INPP5A: variants seen among roughly 807,000 people sequenced by gnomAD.
INPP5A encodes the protein 43 kDa inositol polyphosphate 5-phophatase.
In INPP5A, 14 loss-of-function variants were observed where a neutral mutation model predicts 65.2. That is an observed-to-expected ratio of 0.21 (90% confidence interval 0.14 to 0.34). The LOEUF is 0.34. Ranked by LOEUF, INPP5A falls within the 10% of genes least tolerant of loss-of-function variation. The pLI is 1.00. For missense variants in INPP5A, 431 were observed against 545.6 expected (o/e 0.79, Z 2.09); for synonymous variants, 207 against 208.3 (o/e 0.99, Z 0.05).
Position 132,616,657 on chromosome 10 carries a change from C to T in INPP5A, c.117+8701C>T, listed in dbSNP as rs2072038063. On this transcript the variant is annotated intron_variant, in intron 2 of 15. Transcript: ENST00000368594. The surrounding 1 kb of genome is among the most constrained non-coding windows in gnomAD (Gnocchi z 4.9). ...ATGGTAGTGACATGGGACATGGTGA[C>T]AGGGTAGGGTGTGGTGGTGATGGAG... Among the ~76,000 whole-genome samples, 1 of 150,130 alleles carries T rather than the reference C, an allele frequency of 6.7e-6. No individual in the cohort carries two copies. Among genetic ancestry groups the T allele is most frequent in the Admixed American group, 6.6e-5 (1 of 15,114 alleles).
rs537298621 is a variant in INPP5A at position 132,627,471 on chromosome 10, C to T, written c.118-18397C>T. On this transcript the variant is annotated intron_variant, in intron 2 of 15. Coordinates refer to ENST00000368594, the MANE Select transcript of INPP5A (RefSeq NM_005539.5). The surrounding 1 kb of genome is among the most constrained non-coding windows in gnomAD (Gnocchi z 6.6). ...GGCTCCCAAGATGCGTGCAGCTGTC[C>T]GCGGTGGCTGCCTCGTCCAGCAGCG... Among the ~76,000 whole-genome samples, 7 of 152,246 alleles carry T rather than the reference C, an allele frequency of 4.6e-5. 1 individual carries two copies. In the South Asian group the frequency reaches 8.3e-4, roughly 18 times the overall value.
intron 2 of INPP5A, among the ~76,000 whole-genome samples, chr10:132,620,582 T>G (rs896563980): frequency 6.6e-6 from 1 of 152,218 alleles, no homozygotes; most frequent in Non-Finnish European, 1.5e-5. Flanking sequence ...TGCTAAAGCA[T>G]ATCATGGGTT....
intron 1 of INPP5A, among the ~76,000 whole-genome samples, chr10:132,578,912 C>T (rs1331485645): frequency 6.6e-6 from 1 of 152,166 alleles, no homozygotes; most frequent in Non-Finnish European, 1.5e-5. Flanking sequence ...GCTCAGTCCG[C>T]CTGCCTTCTG....
chr10:132,677,413 C>T (rs1031251268), intron 4 of INPP5A, among the ~76,000 whole-genome samples: 1 of 152,220 alleles, frequency 6.6e-6, no homozygotes, highest in Non-Finnish European at 1.5e-5. Context: ...GAGAAAGTGC[C>T]GGGTGCATAT....
Position 132,749,379 on chromosome 10 carries a change from C to T in INPP5A, c.733-138C>T, listed in dbSNP as rs1012398525. On this transcript the variant is annotated intron_variant, in intron 9 of 15. Transcript: ENST00000368594. ...CTGTTGCGGGAGTGGCCCCTGACCC[C>T]AGGTGCGGAAATCTGGGTGTGACAC... 38 of 712,240 alleles carry T rather than the reference C, an allele frequency of 5.3e-5. No individual in the cohort carries two copies. In the East Asian group the frequency reaches 1.0e-3, roughly 19 times the overall value. 44.1% of individuals were successfully genotyped at this position (712,240 alleles called of 1,614,324 possible). A position where few individuals can be genotyped will look rare whatever the true frequency, so the allele number is the denominator to read the frequency against.
intron 5 of INPP5A, among the ~76,000 whole-genome samples, chr10:132,691,895 A>C (rs2767422): frequency 7.8e-6 from 1 of 128,964 alleles, no homozygotes; most frequent in African/African-American, 3.0e-5. Flanking sequence ...CGCGGGAGAC[A>C]TGCGGTCGCG....
intron 12 of INPP5A, among the ~76,000 whole-genome samples, chr10:132,774,514 C>T (rs970630463): frequency 2.6e-5 from 4 of 152,242 alleles, no homozygotes; most frequent in African/African-American, 4.8e-5. Context: ...TGGTTCAGGG[C>T]GGCTGAGCAC....
In INPP5A at chr10:132,781,846, C is replaced by T. The variant is rs1847168272; in HGVS notation, c.1159-15C>T. 15 of 1,612,030 alleles carry T rather than the reference C, an allele frequency of 9.3e-6. No individual in the cohort carries two copies. Among genetic ancestry groups the T allele is most frequent in the Non-Finnish European group, 1.3e-5 (15 of 1,178,600 alleles). Reference sequence around the variant, plus strand: ...GCGTGCGCCGTGCTGACACCGTCCTCTCTTCCTGCTGCAGCCCGTGTTCCT... The same window carrying T: ...GCGTGCGCCGTGCTGACACCGTCCTTTCTTCCTGCTGCAGCCCGTGTTCCT... On this transcript the variant is annotated splice_polypyrimidine_tract_variant and intron_variant, in intron 14 of 15. Transcript: ENST00000368594.
At chr10:132,754,338 G>A (rs1052003019) in intron 11 of INPP5A, among the ~76,000 whole-genome samples, 3 of 152,264 alleles carry the variant, frequency 2.0e-5, no homozygotes, top group South Asian at 4.1e-4. Flanking sequence ...CAATGAGGAT[G>A]GAGGCAGGCC....
intron 1 of INPP5A, among the ~76,000 whole-genome samples, chr10:132,591,029 TGGC>T (rs1188916104): frequency 2.0e-5 from 3 of 152,370 alleles, no homozygotes; most frequent in Non-Finnish European, 2.9e-5. Flanking sequence ...ACTCCCAGCT[TGGC>T]GGGAGGAGGC....
At position 132,628,463 on chromosome 10, in the gene INPP5A, C is replaced by CGGGGGGGGGGGGGGGG. The variant is rs55668291; in HGVS notation, c.118-17390_118-17389insGGGGGGGGGGGGGGGG. ...TCTCCCTCCAGATGTGCTCTGGTGG[C>CGGGGGGGGGGGGGGGG]GGGGGGGGGGGGGGGCGTGGCGTGG... On this transcript the variant is annotated intron_variant, in intron 2 of 15. Transcript: ENST00000368594. Among the ~76,000 whole-genome samples the CGGGGGGGGGGGGGGGG allele has an allele frequency of 2.7e-3, 64 of 23,280 alleles. 1 individual carries two copies. The highest frequency in any genetic ancestry group is 0.01 in the South Asian group (7 of 694). The allele number at this position is 23,280 out of a possible 152,430, so 15.3% of individuals were successfully genotyped here. A position where few individuals can be genotyped will look rare whatever the true frequency, so the allele number is the denominator to read the frequency against.
chr10:132,666,870 C>T (rs892885943), intron 4 of INPP5A, among the ~76,000 whole-genome samples: 3 of 152,202 alleles, frequency 2.0e-5, no homozygotes, highest in African/African-American at 7.2e-5. Flanking sequence ...GATATCTGTG[C>T]ATTGAGAGCT....
At chr10:132,780,298 C>T (rs1847138370) in intron 13 of INPP5A, among the ~76,000 whole-genome samples, 2 of 152,244 alleles carry the variant, frequency 1.3e-5, no homozygotes, top group South Asian at 2.1e-4. Context: ...CGCACACAGC[C>T]GTGAATTACT....
intron 7 of INPP5A, among the ~76,000 whole-genome samples, chr10:132,708,781 C>T (rs1845583869): frequency 6.6e-6 from 1 of 152,210 alleles, no homozygotes; most frequent in African/African-American, 2.4e-5. Context: ...GCGGAGCCTG[C>T]GTCTCATCCA....
chr10:132,558,836 G>A (rs2071162684), intron 1 of INPP5A, among the ~76,000 whole-genome samples: 1 of 152,248 alleles, frequency 6.6e-6, no homozygotes, highest in South Asian at 2.1e-4. Context: ...TTGCAGTGGT[G>A]ATTCCCAGGT....
At position 132,676,674 on chromosome 10, in the gene INPP5A, G is replaced by A. The variant is rs2072968547; in HGVS notation, c.307-13718G>A. 6.6e-6 allele frequency among the ~76,000 whole-genome samples: 1 copy of A among 152,114 alleles called. No individual in the cohort carries two copies. The highest frequency in any genetic ancestry group is 2.4e-5 in the African/African-American group (1 of 41,422). ...TGAGATGGCAGCCCTGGGCACCTGTGGCTGCTCCCTCCTCCTGACTCTGCT... is the reference window on the plus strand; with the variant it reads ...TGAGATGGCAGCCCTGGGCACCTGTAGCTGCTCCCTCCTCCTGACTCTGCT... On this transcript the variant is annotated intron_variant, in intron 4 of 15. Transcript: ENST00000368594. The surrounding 1 kb of genome is among the most constrained non-coding windows in gnomAD (Gnocchi z 4.0).
intron 2 of INPP5A, among the ~76,000 whole-genome samples, chr10:132,611,777 G>A (rs1479380271): frequency 6.8e-6 from 1 of 147,604 alleles, no homozygotes; most frequent in Non-Finnish European, 1.5e-5. Flanking sequence ...GAGGGTGAGG[G>A]AGGTCAGGTG....
rs145911648 is a variant in INPP5A, at chr10:132,651,039, C to T, written c.306+534C>T. Reference sequence around the variant, plus strand: ...CTGGGAAAGACCTGTCCCTCCTCTGCGGTCCTCTGTCAGGTGGACACATGA... The same window carrying T: ...CTGGGAAAGACCTGTCCCTCCTCTGTGGTCCTCTGTCAGGTGGACACATGA... On this transcript the variant is annotated intron_variant, in intron 4 of 15. Coordinates refer to ENST00000368594, the MANE Select transcript of INPP5A (RefSeq NM_005539.5). The surrounding 1 kb of genome is among the most constrained non-coding windows in gnomAD (Gnocchi z 5.0). Among the ~76,000 whole-genome samples the T allele has an allele frequency of 4.7e-3, 722 of 152,238 alleles. 1 individual carries two copies. The highest frequency in any genetic ancestry group is 7.3e-3 in the Non-Finnish European group (494 of 67,988).
intron 12 of INPP5A, among the ~76,000 whole-genome samples, chr10:132,770,612 T>C (rs995397405): frequency 1.3e-5 from 2 of 152,272 alleles, no homozygotes; most frequent in Admixed American, 6.5e-5. Context: ...TTCCAGCTAC[T>C]GAGGACCCTG....
Sources: gnomAD v4.1 joint callset for allele counts (sites outside exome capture counted in the v4.1 genomes callset) on GRCh38, gnomAD v4.1.1 for gene constraint, Gnocchi (gnomAD v3.1) non-coding constraint, MANE v1.5 for transcripts, NCBI Gene and HGNC (gene_info 2026-07-23, HGNC 2026-07-21) for gene names.